Variants in GPC5 observed in about 807,000 individuals in gnomAD.
GPC5 encodes glypican-5.
Under a neutral mutation model 53.9 loss-of-function variants are expected in GPC5, and 47 were observed. The observed-to-expected ratio is 0.87, with a 90% CI of 0.69 to 1.11. The LOEUF (loss-of-function observed/expected upper bound fraction) is 1.11, where lower values mean the gene tolerates loss of function less well. Among genes scored for constraint, GPC5 ranks in the 50% most tolerant of loss-of-function variants. The pLI is 0.00. For synonymous variants in GPC5, 286 were observed against 263.3 expected (o/e 1.09, Z -0.84); for missense variants, 748 against 713.1 (o/e 1.05, Z -0.56).
chr13:91,473,884 C>G (rs568039005), intron 2 of GPC5, among the ~76,000 whole-genome samples: 2 of 152,254 alleles, frequency 1.3e-5, no homozygotes, highest in East Asian at 3.9e-4. Flanking sequence ...TAATTCTCAA[C>G]AAGAATGTAG....
At chr13:92,040,061 C>T (rs896296916) in intron 6 of GPC5, among the ~76,000 whole-genome samples, 1 of 152,150 alleles carries the variant, frequency 6.6e-6, no homozygotes, top group Non-Finnish European at 1.5e-5. Context: ...TTGACAAAAA[C>T]AATGAGGATG....
At chr13:92,483,462 C>T (rs558729102) in intron 7 of GPC5, among the ~76,000 whole-genome samples, 1 of 152,074 alleles carries the variant, frequency 6.6e-6, no homozygotes, top group African/African-American at 2.4e-5. Flanking sequence ...AAAAATAGTA[C>T]ACCTTATAGG....
intron 2 of GPC5, among the ~76,000 whole-genome samples, chr13:91,511,492 A>G (rs1343290849): frequency 4.0e-5 from 6 of 151,700 alleles, no homozygotes; most frequent in Non-Finnish European, 7.4e-5. Context: ...CAAGTGTTTT[A>G]CTGTTTAACA....
chr13:92,003,977 C>T (rs1213913634), intron 6 of GPC5, among the ~76,000 whole-genome samples: 2 of 152,192 alleles, frequency 1.3e-5, no homozygotes, highest in African/African-American at 4.8e-5. Flanking sequence ...CCTACCTCCT[C>T]ACCAGGAGTT....
chr13:92,212,588 T>C (rs141002541), intron 7 of GPC5, among the ~76,000 whole-genome samples: 1 of 152,266 alleles, frequency 6.6e-6, no homozygotes, highest in East Asian at 1.9e-4. Flanking sequence ...GATCTACCTT[T>C]GTTTGGAGAT....
intron 7 of GPC5, among the ~76,000 whole-genome samples, chr13:92,674,877 A>G (rs1289511360): frequency 2.6e-5 from 4 of 152,006 alleles, no homozygotes. Flanking sequence ...TCACTAACCA[A>G]TCAAAATATA....
chr13:91,919,237 A>G (rs1453511612), intron 6 of GPC5, among the ~76,000 whole-genome samples: 1 of 152,126 alleles, frequency 6.6e-6, no homozygotes, highest in Non-Finnish European at 1.5e-5. Flanking sequence ...GACTACTACC[A>G]ATTCCTATCT....
intron 7 of GPC5, among the ~76,000 whole-genome samples, chr13:92,479,343 ATAGAAGCAAGCGATAAAC>A (rs1566608583): frequency 6.6e-6 from 1 of 152,220 alleles, no homozygotes; most frequent in East Asian, 1.9e-4. Context: ...AGCCTTTATC[ATAGAAGCAAGCGATAAAC>A]TTCACTAAAC....
chr13:92,225,638 G>A (rs2148521), intron 7 of GPC5, among the ~76,000 whole-genome samples: 35,386 of 151,976 alleles, frequency 0.23, 4,350 homozygotes, highest in African/African-American at 0.31. Flanking sequence ...ATAAAAGGGA[G>A]CAAAGCTTAC....
chr13:92,662,876 C>T (rs569230201), intron 7 of GPC5, among the ~76,000 whole-genome samples: 1 of 152,256 alleles, frequency 6.6e-6, no homozygotes, highest in Non-Finnish European at 1.5e-5. Context: ...CTTCCTTGCC[C>T]TGCTCCACTA....
chr13:91,698,698 AGATAT>A (rs1446619980), intron 3 of GPC5, among the ~76,000 whole-genome samples: 1 of 152,220 alleles, frequency 6.6e-6, no homozygotes, highest in Non-Finnish European at 1.5e-5. Flanking sequence ...TTGCAATTTT[AGATAT>A]TTTAAATTTA....
intron 2 of GPC5, among the ~76,000 whole-genome samples, chr13:91,649,428 C>T (rs1438814616): frequency 6.6e-6 from 1 of 152,158 alleles, no homozygotes; most frequent in Non-Finnish European, 1.5e-5. Context: ...TATACAAGCT[C>T]TTATTCAGCA....
intron 7 of GPC5, among the ~76,000 whole-genome samples, chr13:92,724,875 TACACACACACACACACACAC>T (rs58824655): frequency 1.5e-5 from 2 of 137,748 alleles, no homozygotes; most frequent in South Asian, 2.3e-4. Context: ...GTCCTACACA[TACACACACACACACACACAC>T]ACACACACAC....
intron 1 of GPC5, among the ~76,000 whole-genome samples, chr13:91,410,455 C>T (rs1209972940): frequency 6.7e-6 from 1 of 149,344 alleles, no homozygotes; most frequent in African/African-American, 2.5e-5. Flanking sequence ...GTGCCATTCT[C>T]CTGCCTCAGC....
intron 2 of GPC5, among the ~76,000 whole-genome samples, chr13:91,669,236 T>C (rs1175962706): frequency 2.6e-5 from 4 of 152,208 alleles, no homozygotes; most frequent in African/African-American, 4.8e-5. Flanking sequence ...ATAGAGTATG[T>C]GCATTACGAG....
intron 7 of GPC5, among the ~76,000 whole-genome samples, chr13:92,548,077 G>A (rs1882188858): frequency 6.7e-6 from 1 of 149,738 alleles, no homozygotes; most frequent in African/African-American, 2.4e-5. Flanking sequence ...CTGACCTCGT[G>A]ATCCGCCCGC....
At chr13:91,883,941 G>T (rs1318623608) in intron 5 of GPC5, among the ~76,000 whole-genome samples, 1 of 151,754 alleles carries the variant, frequency 6.6e-6, no homozygotes, top group Non-Finnish European at 1.5e-5. Flanking sequence ...CCTCCTCCCA[G>T]CTTTCACCCC....
chr13:91,785,875 C>G (rs1287393238), intron 5 of GPC5, among the ~76,000 whole-genome samples: 2 of 152,206 alleles, frequency 1.3e-5, no homozygotes, highest in Non-Finnish European at 2.9e-5. Flanking sequence ...TGCTGAGATT[C>G]CATTAATTCC....
chr13:92,666,233 C>A (rs1257226185), intron 7 of GPC5, among the ~76,000 whole-genome samples: 4 of 151,484 alleles, frequency 2.6e-5, no homozygotes, highest in Admixed American at 6.6e-5. Context: ...GATTTTTTTC[C>A]CTAGTGTTGT....
Sources: gnomAD v4.1 joint callset for allele counts (sites outside exome capture counted in the v4.1 genomes callset) on GRCh38, gnomAD v4.1.1 for gene constraint, MANE v1.5 for transcripts, NCBI Gene and HGNC (gene_info 2026-07-23, HGNC 2026-07-21) for gene names.